AFG2A: variants seen among roughly 807,000 people sequenced by gnomAD.
The protein encoded by AFG2A is AAA ATPase AFG2A.
At chr4:123,086,448 AG>A in the AFG2A span, among the ~76,000 whole-genome samples, 1 of 152,134 alleles carries the variant, frequency 6.6e-6, no homozygotes, top group Non-Finnish European at 1.5e-5. Flanking sequence ...GACTTCTTAA[AG>A]GTTTTTTAAA....
chr4:123,106,042 C>T, the AFG2A span, among the ~76,000 whole-genome samples: 110,403 of 152,034 alleles, frequency 0.73, 40,723 homozygotes, highest in East Asian at 0.97. Context: ...AAGAGTCAGT[C>T]GATGTGGCAT....
the AFG2A span, among the ~76,000 whole-genome samples, chr4:123,005,614 C>A: frequency 6.6e-6 from 1 of 152,144 alleles, no homozygotes; most frequent in Non-Finnish European, 1.5e-5. Context: ...CTTTTCTAAT[C>A]TAGGCATTCA....
At chr4:123,091,292 A>G in the AFG2A span, among the ~76,000 whole-genome samples, 1 of 152,218 alleles carries the variant, frequency 6.6e-6, no homozygotes, top group African/African-American at 2.4e-5. Context: ...TGTCCTACAA[A>G]GGATCTTAAA....
the AFG2A span, among the ~76,000 whole-genome samples, chr4:123,104,314 G>A: frequency 0.15 from 22,599 of 152,034 alleles, 2,091 homozygotes; most frequent in East Asian, 0.45. Flanking sequence ...ATGTAAGACA[G>A]CAAACCTAAT....
the AFG2A span, among the ~76,000 whole-genome samples, chr4:123,020,750 T>A: frequency 6.6e-6 from 1 of 152,198 alleles, no homozygotes; most frequent in Non-Finnish European, 1.5e-5. Flanking sequence ...TATAATTCAT[T>A]TAATAGTTGT....
chr4:123,132,588 A>G, the AFG2A span, among the ~76,000 whole-genome samples: 1 of 124,012 alleles, frequency 8.1e-6, no homozygotes, highest in Non-Finnish European at 1.7e-5. Context: ...AGAAAACATG[A>G]TGTGTGTACA....
At chr4:123,309,442 C>T in the AFG2A span, among the ~76,000 whole-genome samples, 25 of 152,110 alleles carry the variant, frequency 1.6e-4, no homozygotes, top group Non-Finnish European at 2.6e-4. Flanking sequence ...GAGTACAGAA[C>T]GCTCACAACC....
chr4:123,262,266 GT>G, the AFG2A span, among the ~76,000 whole-genome samples: 2 of 152,168 alleles, frequency 1.3e-5, no homozygotes, highest in South Asian at 4.1e-4. Flanking sequence ...AAAAATGTCA[GT>G]TTTAACATTT....
chr4:123,319,146 T>C, the AFG2A span: 1 of 152,188 alleles, frequency 6.6e-6, no homozygotes, highest in Non-Finnish European at 1.5e-5. Context: ...GTAAAACAGG[T>C]TTTAAAAATA....
the AFG2A span, among the ~76,000 whole-genome samples, chr4:123,125,027 C>A: frequency 1.3e-5 from 2 of 152,128 alleles, no homozygotes; most frequent in African/African-American, 4.8e-5. Flanking sequence ...ATGGCCTGCT[C>A]TTGAGTTGGA....
the AFG2A span, among the ~76,000 whole-genome samples, chr4:123,180,323 C>A: frequency 6.6e-6 from 1 of 152,014 alleles, no homozygotes; most frequent in Non-Finnish European, 1.5e-5. Context: ...ACCTCTTTAC[C>A]CTCTTTGGTG....
At chr4:123,263,502 C>A in the AFG2A span, among the ~76,000 whole-genome samples, 1 of 152,104 alleles carries the variant, frequency 6.6e-6, no homozygotes, top group South Asian at 2.1e-4. Flanking sequence ...ATATAAACTA[C>A]TTTCTGTAAC....
chr4:123,148,086 C>T, the AFG2A span, among the ~76,000 whole-genome samples: 1 of 152,052 alleles, frequency 6.6e-6, no homozygotes. Context: ...AGTGTTAAAT[C>T]ACTGTATATT....
the AFG2A span, among the ~76,000 whole-genome samples, chr4:123,121,856 T>A: frequency 6.6e-6 from 1 of 152,252 alleles, no homozygotes; most frequent in Admixed American, 6.5e-5. Flanking sequence ...TTTTGTTTCC[T>A]CTTGAAGTAT....
chr4:123,075,672 A>G, the AFG2A span, among the ~76,000 whole-genome samples: 1 of 152,016 alleles, frequency 6.6e-6, no homozygotes, highest in Non-Finnish European at 1.5e-5. Flanking sequence ...AAGCTCCCTG[A>G]ACTGGCCGGG....
chr4:123,231,764 A>G, the AFG2A span, among the ~76,000 whole-genome samples: 3,570 of 152,028 alleles, frequency 0.023, 72 homozygotes, highest in African/African-American at 0.056. Flanking sequence ...CTTAAAGGCC[A>G]TTGTAGGGTT....
chr4:123,317,852 T>C, the AFG2A span: 2 of 152,062 alleles, frequency 1.3e-5, no homozygotes, highest in African/African-American at 4.8e-5. Context: ...ATGAAAAATA[T>C]GTGTTTATGG....
chr4:122,996,298 G>A, the AFG2A span, among the ~76,000 whole-genome samples: 1 of 152,102 alleles, frequency 6.6e-6, no homozygotes, highest in Non-Finnish European at 1.5e-5. Context: ...TATGCTTTGT[G>A]GACATAATTG....
At chr4:122,961,697 G>A in the AFG2A span, among the ~76,000 whole-genome samples, 1 of 152,140 alleles carries the variant, frequency 6.6e-6, no homozygotes, top group Non-Finnish European at 1.5e-5. Flanking sequence ...TAGAGACGGG[G>A]TTCCACCATG....
Sources: gnomAD v4.1 joint callset for allele counts (sites outside exome capture counted in the v4.1 genomes callset) on GRCh38, gnomAD v4.1.1 for gene constraint, MANE v1.5 for transcripts, NCBI Gene and HGNC (gene_info 2026-07-23, HGNC 2026-07-21) for gene names.